The following PDE10A variants were observed in gnomAD, a reference collection of about 807,000 sequenced individuals.
The protein encoded by PDE10A is phosphodiesterase 10A.
Under a neutral mutation model 97.7 loss-of-function variants are expected in PDE10A, and 39 were observed. That is an observed-to-expected ratio of 0.40 (90% CI 0.31 to 0.52). PDE10A has a LOEUF of 0.52. Among genes scored for constraint, PDE10A ranks in the 20% least tolerant of loss-of-function variants. The pLI is 0.56. For missense variants in PDE10A, 731 were observed against 1,047.8 expected, an observed-to-expected ratio of 0.70 and a Z score of 4.17; for synonymous variants, 371 against 376.8, an observed-to-expected ratio of 0.98 and a Z score of 0.18.
intron 13 of PDE10A, among the ~76,000 whole-genome samples, chr6:165,406,368 A>G (rs1787168842): frequency 6.6e-6 from 1 of 151,918 alleles, no homozygotes; most frequent in Non-Finnish European, 1.5e-5. Context: ...TTTCTTAGAA[A>G]ACTTTTCTTG....
At chr6:165,720,412 C>T (rs888588050) in intron 1 of PDE10A, among the ~76,000 whole-genome samples, 6 of 152,118 alleles carry the variant, frequency 3.9e-5, no homozygotes, top group South Asian at 2.1e-4. Context: ...TTGCTGAGAG[C>T]GGAATGGGCT....
intron 3 of PDE10A, among the ~76,000 whole-genome samples, chr6:165,471,245 G>C (rs1027160073): frequency 6.6e-6 from 1 of 151,902 alleles, no homozygotes; most frequent in Non-Finnish European, 1.5e-5. Flanking sequence ...TCCACCTCTT[G>C]TGTTCAGTCT....
At chr6:165,576,313 T>C (rs973594756) in intron 1 of PDE10A, 2 of 714,526 alleles carry the variant, frequency 2.8e-6, no homozygotes, top group African/African-American at 1.8e-5. Context: ...TTTTAATGAA[T>C]TGGCAGATCA....
chr6:165,566,732 T>A (rs192456193), intron 1 of PDE10A, among the ~76,000 whole-genome samples: 15 of 152,332 alleles, frequency 9.8e-5, no homozygotes, highest in Non-Finnish European at 2.1e-4. Flanking sequence ...AGGGCTTTGC[T>A]TAGGCATGAC....
chr6:165,430,316 T>G lies in PDE10A; in HGVS notation c.1572A>C (p.Glu524Asp). The change falls in exon 9 of 22, where the codon GAA (glutamate) becomes GAC (aspartate). Residue 524 changes from glutamate (E) to aspartate (D), a missense_variant. Physicochemically the swap from Glu to Asp is conservative, Grantham distance 45. Coordinates refer to ENST00000539869, the MANE Select transcript of PDE10A (RefSeq NM_001385079.1). ...QVCRGLAKQT[E>D]LNDFLLDVSK... The stretch of plus-strand genomic sequence containing the variant: ...ATACGTCGAGTAGGAAGTCATTCAA[T>G]TCTGTCTGTTTGGCAAGGCCTCTGC... 1 of 1,609,288 alleles carries G rather than the reference T, an allele frequency of 6.2e-7. No homozygotes were observed. The highest frequency in any genetic ancestry group is 8.5e-7 in the Non-Finnish European group (1 of 1,176,416).
intron 1 of PDE10A, among the ~76,000 whole-genome samples, chr6:165,712,421 G>A (rs918845937): frequency 1.3e-5 from 2 of 152,122 alleles, no homozygotes; most frequent in Non-Finnish European, 2.9e-5. Flanking sequence ...AGGTACCCCT[G>A]GGAGGCAGGT....
intron 5 of PDE10A, among the ~76,000 whole-genome samples, chr6:165,446,187 A>G (rs1414626985): frequency 3.3e-5 from 5 of 152,232 alleles, no homozygotes; most frequent in Admixed American, 3.3e-4. Context: ...TTTATCTACC[A>G]AAGATATATT....
At chr6:165,602,141 G>A (rs549864323) in intron 1 of PDE10A, among the ~76,000 whole-genome samples, 1 of 152,312 alleles carries the variant, frequency 6.6e-6, no homozygotes, top group East Asian at 1.9e-4. Flanking sequence ...GACAGTGGCA[G>A]CAGAAAGTGA....
At chr6:165,658,334 T>A (rs545784391) in intron 1 of PDE10A, among the ~76,000 whole-genome samples, 94 of 152,342 alleles carry the variant, frequency 6.2e-4, no homozygotes, top group African/African-American at 2.0e-3. Context: ...TATTTGGCAA[T>A]CAACTGTAGT....
At position 165,883,539 on chromosome 6, in the gene PDE10A, C is replaced by CAA. The variant is rs1216515740; in HGVS notation, c.-615+103988_-615+103989dup. On this transcript the variant is annotated intron_variant, in intron 1 of 19. Transcript: ENST00000366882. The stretch of plus-strand genomic sequence containing the variant: ...TTGACGACAAATTGAGACTCCGTCT[C>CAA]AAAAAAAAAAAAAATAAATAAAAAT... Among the ~76,000 whole-genome samples, 10 of 58,932 alleles carry CAA rather than the reference C, an allele frequency of 1.7e-4. No homozygotes were observed. In the East Asian group the frequency reaches 4.9e-3, roughly 29 times the overall value. The allele number at this position is 58,932 out of a possible 152,430, so 38.7% of individuals were successfully genotyped here.
intron 1 of PDE10A, among the ~76,000 whole-genome samples, chr6:165,962,678 T>C (rs983955661): frequency 3.9e-5 from 6 of 152,226 alleles, no homozygotes; most frequent in African/African-American, 1.2e-4. Flanking sequence ...AGACGGGCTG[T>C]GGTGATGTCA....
chr6:165,516,470 TATGG>T (rs745667734), intron 2 of PDE10A, among the ~76,000 whole-genome samples: 1 of 152,224 alleles, frequency 6.6e-6, no homozygotes, highest in Non-Finnish European at 1.5e-5. Context: ...CCCCTGTTTT[TATGG>T]ACCTACATCA....
At chr6:165,767,190 G>A (rs1369558867) in intron 1 of PDE10A, among the ~76,000 whole-genome samples, 2 of 151,950 alleles carry the variant, frequency 1.3e-5, no homozygotes, top group African/African-American at 4.8e-5. Context: ...AGGTGGCACC[G>A]AAAAAAAGTG....
At chr6:165,732,495 C>T (rs1318861854) in intron 1 of PDE10A, among the ~76,000 whole-genome samples, 5 of 152,304 alleles carry the variant, frequency 3.3e-5, no homozygotes, top group Admixed American at 6.5e-5. Context: ...CGCAGGTGGG[C>T]GACTCCACTG....
chr6:165,806,335 C>T (rs149560941), intron 1 of PDE10A, among the ~76,000 whole-genome samples: 4,467 of 152,262 alleles, frequency 0.029, 97 homozygotes, highest in Middle Eastern at 0.092. Flanking sequence ...CAAGGCTCCG[C>T]GTTCTCCATC....
chr6:165,528,946 A>G (rs1457007053), intron 2 of PDE10A, among the ~76,000 whole-genome samples: 2 of 152,298 alleles, frequency 1.3e-5, no homozygotes, highest in East Asian at 3.9e-4. Flanking sequence ...ATTCAGGATT[A>G]ATGGATCCAG....
intron 12 of PDE10A, among the ~76,000 whole-genome samples, chr6:165,414,012 G>A (rs542196363): frequency 6.6e-6 from 1 of 152,254 alleles, no homozygotes; most frequent in South Asian, 2.1e-4. Flanking sequence ...GGATTCAGAG[G>A]AGAAATACAA....
chr6:165,423,787 T>C (rs961601722), intron 10 of PDE10A, among the ~76,000 whole-genome samples: 6 of 149,352 alleles, frequency 4.0e-5, no homozygotes, highest in Admixed American at 2.0e-4. Flanking sequence ...ATGGCAGAGG[T>C]AGCAGTGAGC....
intron 1 of PDE10A, among the ~76,000 whole-genome samples, chr6:165,765,106 GGT>G (rs538304763): frequency 7.2e-5 from 11 of 152,282 alleles, no homozygotes; most frequent in African/African-American, 2.4e-4. Context: ...GGTGCTGATT[GGT>G]GTGTTTACAA....
Sources: gnomAD v4.1 joint callset for allele counts (sites outside exome capture counted in the v4.1 genomes callset) on GRCh38, gnomAD v4.1.1 for gene constraint, MANE v1.5 for transcripts, NCBI Gene and HGNC (gene_info 2026-07-23, HGNC 2026-07-21) for gene names.